ACADL: variants seen among roughly 807,000 people sequenced by gnomAD.
ACADL encodes acyl-CoA dehydrogenase long chain.
A neutral mutation model predicts 56.9 loss-of-function variants in ACADL; 60 were observed. The ratio of observed to expected loss-of-function variants is 1.05; its 90% CI spans 0.86 to 1.31. The LOEUF (loss-of-function observed/expected upper bound fraction) is 1.31, where lower values mean the gene tolerates loss of function less well. ACADL is among the 50% of genes most tolerant of loss of function. ACADL has a pLI of 0.00. For synonymous variants in ACADL, 158 were observed against 179.7 expected (o/e 0.88, Z 0.97); for missense variants, 484 against 525.5 (o/e 0.92, Z 0.77).
At chr2:210,217,069 C>T (rs1323614135) in intron 3 of ACADL, among the ~76,000 whole-genome samples, 2 of 8,584 alleles carry the variant, frequency 2.3e-4, no homozygotes, top group African/African-American at 4.2e-4. Context: ...TATGACACAA[C>T]AAAATCCTAT....
intron 1 of ACADL, among the ~76,000 whole-genome samples, chr2:210,223,352 G>A (rs1689208112): frequency 6.6e-6 from 1 of 152,044 alleles, no homozygotes; most frequent in Non-Finnish European, 1.5e-5. Flanking sequence ...GGCTATTATT[G>A]TTTTTTTAAA....
chr2:210,221,069 T>TAAC (rs147231728), intron 1 of ACADL, among the ~76,000 whole-genome samples: 2,464 of 152,306 alleles, frequency 0.016, 67 homozygotes, highest in African/African-American at 0.056. Context: ...TGCCTAGAAC[T>TAAC]AACCACAGGT....
chr2:210,201,709 G>A (rs1476122142), intron 8 of ACADL, among the ~76,000 whole-genome samples: 1 of 152,020 alleles, frequency 6.6e-6, no homozygotes, highest in African/African-American at 2.4e-5. Flanking sequence ...CAGGTTTTTT[G>A]CTGGTGAGAT....
At chr2:210,220,358 A>G (rs1689155195) in intron 2 of ACADL, among the ~76,000 whole-genome samples, 1 of 152,200 alleles carries the variant, frequency 6.6e-6, no homozygotes, top group African/African-American at 2.4e-5. Context: ...AAGAAAGACT[A>G]TGAAATTGAC....
intron 5 of ACADL, among the ~76,000 whole-genome samples, chr2:210,207,580 A>G (rs903998002): frequency 6.6e-6 from 1 of 152,222 alleles, no homozygotes; most frequent in African/African-American, 2.4e-5. Context: ...AAAGGTCTCA[A>G]ATTCTCCAGG....
chr2:210,224,738 C>T (rs1559643720), intron 1 of ACADL: 2 of 988,448 alleles, frequency 2.0e-6, no homozygotes, highest in Non-Finnish European at 2.4e-6. Context: ...CACTACCGCG[C>T]GGCGAGTCTA....
In ACADL at chr2:210,213,377, G is replaced by A. The variant is rs552281538; in HGVS notation, c.536+2970C>T. Among the ~76,000 whole-genome samples the A allele has an allele frequency of 2.3e-3, 355 of 152,170 alleles. 1 individual carries two copies. Among genetic ancestry groups the A allele is most frequent in the African/African-American group, 8.1e-3 (337 of 41,514 alleles). The stretch of plus-strand genomic sequence containing the variant: ...TAGCTGGGCATGGTGGCGGGCGCCT[G>A]TAATCCCAGTTACTTGGGAGGCTGA... On this transcript the variant is annotated intron_variant, in intron 4 of 10. Coordinates refer to ENST00000233710, the MANE Select transcript of ACADL (RefSeq NM_001608.4).
chr2:210,214,581 T>C (rs970732613), intron 4 of ACADL, among the ~76,000 whole-genome samples: 1 of 152,202 alleles, frequency 6.6e-6, no homozygotes, highest in Admixed American at 6.5e-5. Context: ...CTTAATTATA[T>C]ACACTTAACC....
intron 3 of ACADL, 42 bp downstream of exon 3, chr2:210,217,923 G>T: frequency 6.2e-7 from 1 of 1,610,264 alleles, no homozygotes; most frequent in Non-Finnish European, 8.5e-7. Flanking sequence ...TGAGTGGTGT[G>T]TTTACAAAAC....
intron 4 of ACADL, among the ~76,000 whole-genome samples, chr2:210,214,491 G>GAAAGAAAGAAAGAAAGAAAGAA (rs1559639911): frequency 6.7e-6 from 1 of 149,894 alleles, no homozygotes; most frequent in Non-Finnish European, 1.5e-5. Flanking sequence ...AAGAAAGAAA[G>GAAAGAAAGAAAGAAAGAAAGAA]AAAGAAAGAA....
chr2:210,216,513 T>A lies in ACADL; in HGVS notation c.372-2A>T, dbSNP rs753457514. The A allele has an allele frequency of 3.2e-5, 51 of 1,612,396 alleles. No homozygotes were observed. The highest frequency in any genetic ancestry group is 4.2e-5 in the Non-Finnish European group (50 of 1,179,088). ...GGGCCTGAACAATTTGAATAAGCTCTTAGAATGAAAAAAGAAGAAAAATTA... is the reference window on the plus strand; with the variant it reads ...GGGCCTGAACAATTTGAATAAGCTCATAGAATGAAAAAAGAAGAAAAATTA... On this transcript the variant is annotated splice_acceptor_variant, in intron 3 of 10. Coordinates refer to ENST00000233710, the MANE Select transcript of ACADL (RefSeq NM_001608.4). LOFTEE classifies it high-confidence loss of function.
At chr2:210,214,487 G>GAAAGAAAGAAAGAAAGA (rs1402087673) in intron 4 of ACADL, among the ~76,000 whole-genome samples, 123 of 149,446 alleles carry the variant, frequency 8.2e-4, no homozygotes, top group African/African-American at 1.1e-3. Flanking sequence ...AAGAAAGAAA[G>GAAAGAAAGAAAGAAAGA]AAAGAAAGAA....
At chr2:210,190,616 AG>A (rs1688615726) in intron 10 of ACADL, among the ~76,000 whole-genome samples, 1 of 152,176 alleles carries the variant, frequency 6.6e-6, no homozygotes, top group African/African-American at 2.4e-5. Context: ...TAAAATGACA[AG>A]GCTTAAATCT....
chr2:210,200,168 C>T (rs1013747113), intron 8 of ACADL, among the ~76,000 whole-genome samples: 14 of 152,090 alleles, frequency 9.2e-5, no homozygotes, highest in African/African-American at 3.4e-4. Flanking sequence ...CAAGTGGTAA[C>T]ACTTCCTTCA....
chr2:210,216,344 T>A lies in ACADL; in HGVS notation c.536+3A>T, dbSNP rs748196595. The A allele has an allele frequency of 6.2e-7, 1 of 1,613,466 alleles. No homozygotes were observed. The highest frequency in any genetic ancestry group is 1.7e-5 in the Admixed American group (1 of 60,004). ...ATCCAAAGCCAACTAAATATTAACT[T>A]ACCTTCCAGCTCCAGGCTCTGTCAT... is the stretch of plus-strand genomic sequence containing the variant. On this transcript the variant is annotated splice_donor_region_variant and intron_variant, in intron 4 of 10. Coordinates refer to ENST00000233710, the MANE Select transcript of ACADL (RefSeq NM_001608.4).
intron 6 of ACADL, among the ~76,000 whole-genome samples, 184 bp downstream of exon 6, chr2:210,205,448 C>T (rs1688869415): frequency 6.6e-6 from 1 of 152,124 alleles, no homozygotes; most frequent in African/African-American, 2.4e-5. Flanking sequence ...ATTTCTATTG[C>T]TGACCATCAG....
chr2:210,224,561 C>A (rs894566580), intron 1 of ACADL: 1 of 985,312 alleles, frequency 1.0e-6, no homozygotes, highest in South Asian at 4.7e-5. Flanking sequence ...CACTGAACTA[C>A]TTAGACTCTG....
intron 10 of ACADL, among the ~76,000 whole-genome samples, chr2:210,191,426 G>C (rs1688631274): frequency 6.6e-6 from 1 of 152,110 alleles, no homozygotes; most frequent in Non-Finnish European, 1.5e-5. Flanking sequence ...TTGACTCCGA[G>C]AAAACAGAGA....
intron 8 of ACADL, among the ~76,000 whole-genome samples, chr2:210,199,368 A>T (rs182346703): frequency 6.6e-6 from 1 of 152,286 alleles, no homozygotes; most frequent in East Asian, 1.9e-4. Flanking sequence ...TGCTACTGCC[A>T]CCTACTGAAA....
Sources: gnomAD v4.1 joint callset for allele counts (sites outside exome capture counted in the v4.1 genomes callset) on GRCh38, gnomAD v4.1.1 for gene constraint, MANE v1.5 for transcripts, NCBI Gene and HGNC (gene_info 2026-07-23, HGNC 2026-07-21) for gene names.